MAGI2: variants seen among roughly 807,000 people sequenced by gnomAD.
The protein encoded by MAGI2 is membrane-associated guanylate kinase, WW and PDZ domain-containing protein 2.
In MAGI2, 35 loss-of-function variants were observed where a neutral mutation model predicts 133.3. The observed-to-expected ratio is 0.26, with a 90% CI of 0.20 to 0.35. The LOEUF is 0.35. Among genes scored for constraint, MAGI2 ranks in the 10% least tolerant of loss-of-function variants. The probability of loss-of-function intolerance (pLI) is 1.00; values close to 1 mark genes in which losing one functional copy is unlikely to be tolerated. For missense variants in MAGI2, 1,636 were observed against 1,863.4 expected (o/e 0.88, Z 2.25); for synonymous variants, 729 against 710.6 (o/e 1.03, Z -0.41).
At chr7:79,408,225 A>G (rs961710622) in intron 1 of MAGI2, among the ~76,000 whole-genome samples, 1 of 152,106 alleles carries the variant, frequency 6.6e-6, no homozygotes, top group Non-Finnish European at 1.5e-5. Context: ...TTTTCATAAT[A>G]TGTTTTCTAA....
intron 2 of MAGI2, among the ~76,000 whole-genome samples, chr7:78,768,563 C>T (rs897039933): frequency 2.6e-5 from 4 of 152,068 alleles, no homozygotes; most frequent in Admixed American, 1.3e-4. Flanking sequence ...GATGAAAACC[C>T]TTGGAGGGTT....
At chr7:78,535,655 T>C (rs1449562057) in intron 3 of MAGI2, among the ~76,000 whole-genome samples, 1 of 152,096 alleles carries the variant, frequency 6.6e-6, no homozygotes, top group East Asian at 1.9e-4. Context: ...TTAACAAAGA[T>C]GAAAACAGCC....
At chr7:78,803,925 T>C (rs1037517272) in intron 2 of MAGI2, among the ~76,000 whole-genome samples, 4 of 152,234 alleles carry the variant, frequency 2.6e-5, no homozygotes, top group Admixed American at 1.3e-4. Context: ...AAGAAAGCCA[T>C]GCTTAAATCA....
intron 1 of MAGI2, among the ~76,000 whole-genome samples, chr7:79,197,840 C>G (rs1057058255): frequency 6.6e-6 from 1 of 151,896 alleles, no homozygotes; most frequent in African/African-American, 2.4e-5. Flanking sequence ...CTCTCTCATG[C>G]TCTTTTATAA....
chr7:79,185,386 G>C (rs1191727522), intron 1 of MAGI2, among the ~76,000 whole-genome samples: 1 of 151,802 alleles, frequency 6.6e-6, no homozygotes, highest in East Asian at 1.9e-4. Context: ...AGTTTAATGA[G>C]CTGCCATGCT....
intron 6 of MAGI2, among the ~76,000 whole-genome samples, chr7:78,479,079 C>A (rs1410732876): frequency 6.6e-6 from 1 of 151,882 alleles, no homozygotes. Flanking sequence ...GTCAGTGAAC[C>A]CCTGACATCA....
intron 1 of MAGI2, among the ~76,000 whole-genome samples, chr7:79,143,089 T>G (rs1183525076): frequency 6.6e-6 from 1 of 152,234 alleles, no homozygotes; most frequent in East Asian, 1.9e-4. Flanking sequence ...TAGATGGCTT[T>G]TAAACTCTCT....
At chr7:79,168,936 A>T (rs11976144) in intron 1 of MAGI2, among the ~76,000 whole-genome samples, 7,908 of 142,500 alleles carry the variant, frequency 0.055, 510 homozygotes, top group East Asian at 0.15. Context: ...ATATATATAA[A>T]TTTTTTTTCC....
At chr7:78,511,276 G>A (rs1490444264) in intron 4 of MAGI2, among the ~76,000 whole-genome samples, 2 of 151,732 alleles carry the variant, frequency 1.3e-5, no homozygotes, top group Non-Finnish European at 2.9e-5. Context: ...TTATATAATT[G>A]ATTTTTCATC....
chr7:78,526,406 C>T (rs944431836), intron 3 of MAGI2, among the ~76,000 whole-genome samples: 2 of 152,124 alleles, frequency 1.3e-5, no homozygotes, highest in Non-Finnish European at 2.9e-5. Context: ...GCACTTTTCA[C>T]GGAATATGTT....
At chr7:78,643,314 A>G (rs1810501601) in intron 2 of MAGI2, among the ~76,000 whole-genome samples, 1 of 152,208 alleles carries the variant, frequency 6.6e-6, no homozygotes. Flanking sequence ...TTGTTGAATT[A>G]GGAAGCTACA....
intron 9 of MAGI2, among the ~76,000 whole-genome samples, chr7:78,272,732 A>G (rs540980549): frequency 3.0e-4 from 45 of 152,084 alleles, no homozygotes; most frequent in Admixed American, 2.1e-3. Flanking sequence ...GTTGGTTTAA[A>G]GTCTGTTTTA....
chr7:78,290,314 A>G (rs535868132), intron 9 of MAGI2, among the ~76,000 whole-genome samples: 91 of 152,342 alleles, frequency 6.0e-4, no homozygotes, highest in African/African-American at 1.9e-3. Context: ...AGTCTCTGAT[A>G]AAACAGACTT....
chr7:79,125,603 G>A (rs888579197), intron 1 of MAGI2: 2 of 508,286 alleles, frequency 3.9e-6, no homozygotes, highest in Non-Finnish European at 7.9e-6. Flanking sequence ...TCTGGTGGTG[G>A]TAGTGAAAGC....
intron 1 of MAGI2, among the ~76,000 whole-genome samples, chr7:79,355,801 A>G (rs1841983964): frequency 6.6e-6 from 1 of 152,262 alleles, no homozygotes; most frequent in Non-Finnish European, 1.5e-5. Context: ...CTAATTAGTT[A>G]TACATATGAT....
intron 10 of MAGI2, among the ~76,000 whole-genome samples, chr7:78,226,342 G>T (rs767961341): frequency 6.6e-6 from 1 of 150,576 alleles, no homozygotes; most frequent in African/African-American, 2.4e-5. Flanking sequence ...AAAAAAAGTG[G>T]CCAGCAGGAA....
rs576221887 is a variant in MAGI2 at position 79,012,432 on chromosome 7, A to G, written c.302-5226T>C. ...ATTTCTCTTTAGTACTTTGCGCATTATAACAGGCCAAACTGTAATTTGTGG... is the reference window on the plus strand; with the variant it reads ...ATTTCTCTTTAGTACTTTGCGCATTGTAACAGGCCAAACTGTAATTTGTGG... On this transcript the variant is annotated intron_variant, in intron 1 of 21. Coordinates refer to ENST00000354212, the MANE Select transcript of MAGI2 (RefSeq NM_012301.4). Among the ~76,000 whole-genome samples the G allele has an allele frequency of 2.6e-5, 4 of 152,254 alleles. No individual in the cohort carries two copies. In the East Asian group the frequency reaches 5.8e-4, roughly 22 times the overall value.
intron 2 of MAGI2, among the ~76,000 whole-genome samples, chr7:78,777,324 A>T (rs187142670): frequency 1.3e-5 from 2 of 152,342 alleles, no homozygotes; most frequent in African/African-American, 4.8e-5. Flanking sequence ...GTGTGGTACC[A>T]CATAAATTAC....
intron 2 of MAGI2, among the ~76,000 whole-genome samples, chr7:78,985,689 A>G (rs1183559049): frequency 6.6e-6 from 1 of 152,066 alleles, no homozygotes; most frequent in Non-Finnish European, 1.5e-5. Flanking sequence ...CTAAACTTTT[A>G]AAGCGCCATC....
Sources: gnomAD v4.1 joint callset for allele counts (sites outside exome capture counted in the v4.1 genomes callset) on GRCh38, gnomAD v4.1.1 for gene constraint, MANE v1.5 for transcripts, NCBI Gene and HGNC (gene_info 2026-07-23, HGNC 2026-07-21) for gene names.